Variants in CFAP299 observed in about 807,000 individuals in gnomAD.
CFAP299 encodes the protein cilia- and flagella-associated protein 299.
A neutral mutation model predicts 27.0 loss-of-function variants in CFAP299; 21 were observed. The ratio of observed to expected loss-of-function variants is 0.78; its 90% CI spans 0.55 to 1.12. The LOEUF (loss-of-function observed/expected upper bound fraction) is 1.12. Ranked by LOEUF, CFAP299 falls within the 50% of genes most tolerant of loss-of-function variation. CFAP299 has a pLI of 0.00. For missense variants in CFAP299, 310 were observed against 276.6 expected (o/e 1.12, Z -0.86); for synonymous variants, 104 against 98.1 (o/e 1.06, Z -0.36).
chr4:80,786,819 A>G (rs1361681580), intron 3 of CFAP299, among the ~76,000 whole-genome samples: 1 of 152,120 alleles, frequency 6.6e-6, no homozygotes, highest in Non-Finnish European at 1.5e-5. Flanking sequence ...CCAATGCTTG[A>G]AGGGTTGCTA....
chr4:80,578,943 C>A (rs1249344505), intron 2 of CFAP299, among the ~76,000 whole-genome samples: 1 of 152,136 alleles, frequency 6.6e-6, no homozygotes, highest in Admixed American at 6.6e-5. Flanking sequence ...AATTTGATCA[C>A]CAAGCCAATC....
intron 3 of CFAP299, among the ~76,000 whole-genome samples, chr4:80,716,106 C>T (rs1722464735): frequency 6.6e-6 from 1 of 151,712 alleles, no homozygotes; most frequent in African/African-American, 2.4e-5. Flanking sequence ...CCCACAAATA[C>T]AAATAAAGAA....
chr4:80,870,614 C>T, intron 4 of CFAP299: 2 of 986,022 alleles, frequency 2.0e-6, no homozygotes, highest in Non-Finnish European at 2.4e-6. Flanking sequence ...CAATGCTTGC[C>T]TTTTATTCTA....
intron 3 of CFAP299, among the ~76,000 whole-genome samples, chr4:80,834,827 T>C (rs1299991682): frequency 6.6e-6 from 1 of 152,168 alleles, no homozygotes; most frequent in Non-Finnish European, 1.5e-5. Flanking sequence ...AGGAGAGACT[T>C]GCACCGCTGG....
At position 80,828,149 on chromosome 4, in the gene CFAP299, TATC is replaced by T. The variant is rs1435709263; in HGVS notation, c.334-41841_334-41839del. Among the ~76,000 whole-genome samples, 6 of 152,158 alleles carry T rather than the reference TATC, an allele frequency of 3.9e-5. No individual in the cohort carries two copies. In the South Asian group the frequency reaches 1.0e-3, roughly 26 times the overall value. ...CAATGTACAGATTCAATGCAATCCT[TATC>T]ATAATTGCAATGACATTTTTTTTTG... On this transcript the variant is annotated intron_variant, in intron 3 of 5. Coordinates refer to ENST00000358105, the MANE Select transcript of CFAP299 (RefSeq NM_152770.3).
chr4:80,327,409 C>T, the CFAP299 span, among the ~76,000 whole-genome samples: 513 of 151,706 alleles, frequency 3.4e-3, 4 homozygotes, highest in African/African-American at 0.012. Context: ...GCTTCATAAG[C>T]CAAGGGAATG....
intron 4 of CFAP299, among the ~76,000 whole-genome samples, chr4:80,886,759 T>C (rs1033885041): frequency 6.6e-5 from 10 of 152,200 alleles, no homozygotes; most frequent in African/African-American, 1.2e-4. Context: ...CCTGGAGAAA[T>C]AGACATATAT....
chr4:80,472,682 T>C (rs1045635138), intron 2 of CFAP299, among the ~76,000 whole-genome samples: 1 of 152,176 alleles, frequency 6.6e-6, no homozygotes, highest in African/African-American at 2.4e-5. Context: ...AACCACTTAT[T>C]AAAAGCATGC....
At chr4:80,675,729 CTCAAG>C (rs151125991) in intron 3 of CFAP299, among the ~76,000 whole-genome samples, 3,180 of 152,268 alleles carry the variant, frequency 0.021, 79 homozygotes, top group South Asian at 0.061. Flanking sequence ...TGTTTACCCA[CTCAAG>C]TCTCAGCAAT....
intron 3 of CFAP299, among the ~76,000 whole-genome samples, chr4:80,775,547 G>A (rs1027344386): frequency 2.0e-5 from 3 of 151,670 alleles, no homozygotes; most frequent in African/African-American, 7.3e-5. Context: ...AGTAAAATGA[G>A]AACACACTCT....
intron 2 of CFAP299, among the ~76,000 whole-genome samples, chr4:80,548,228 A>G (rs905672491): frequency 6.6e-6 from 1 of 152,178 alleles, no homozygotes; most frequent in Non-Finnish European, 1.5e-5. Context: ...CTTTACAGCA[A>G]CATGGATGTA....
At chr4:80,323,343 A>T in the CFAP299 span, among the ~76,000 whole-genome samples, 4 of 152,350 alleles carry the variant, frequency 2.6e-5, no homozygotes, top group South Asian at 8.3e-4. Context: ...TTTACTGTTT[A>T]ACTATGACTT....
chr4:80,831,960 A>G (rs1297962760), intron 3 of CFAP299, among the ~76,000 whole-genome samples: 1 of 152,190 alleles, frequency 6.6e-6, no homozygotes, highest in Non-Finnish European at 1.5e-5. Flanking sequence ...TGTCAGAACT[A>G]TACTATGCCA....
At chr4:80,578,659 G>A (rs534657422) in intron 2 of CFAP299, among the ~76,000 whole-genome samples, 1 of 152,238 alleles carries the variant, frequency 6.6e-6, no homozygotes, top group East Asian at 1.9e-4. Context: ...GATTGCTTTA[G>A]ACCACAAGTT....
chr4:80,587,165 ATTTC>A (rs1450109955), intron 3 of CFAP299, among the ~76,000 whole-genome samples: 2 of 152,236 alleles, frequency 1.3e-5, no homozygotes, highest in Non-Finnish European at 1.5e-5. Flanking sequence ...ACAGATGTTT[ATTTC>A]TTTTTTAATA....
At chr4:80,561,460 A>G (rs1427133976) in intron 2 of CFAP299, among the ~76,000 whole-genome samples, 1 of 152,154 alleles carries the variant, frequency 6.6e-6, no homozygotes, top group Non-Finnish European at 1.5e-5. Flanking sequence ...ACCTCATCAA[A>G]TGAACTAAAT....
At position 80,856,125 on chromosome 4, in the gene CFAP299, T is replaced by C. The variant is rs576192920; in HGVS notation, c.334-13868T>C. Among the ~76,000 whole-genome samples, 10 of 151,818 alleles carry C rather than the reference T, an allele frequency of 6.6e-5. No individual in the cohort carries two copies. The East Asian group carries it at 1.9e-3, about 29-fold the overall frequency. ...TAACTGGTATGAGATGATATCTCATTGTGGTTTTGATTTGCATTTCTCTGA... is the reference window on the plus strand; with the variant it reads ...TAACTGGTATGAGATGATATCTCATCGTGGTTTTGATTTGCATTTCTCTGA... On this transcript the variant is annotated intron_variant, in intron 3 of 5. Coordinates refer to ENST00000358105, the MANE Select transcript of CFAP299 (RefSeq NM_152770.3).
chr4:80,943,356 T>C (rs970230637), intron 4 of CFAP299, among the ~76,000 whole-genome samples: 3 of 152,240 alleles, frequency 2.0e-5, no homozygotes, highest in Middle Eastern at 6.8e-3. Context: ...ATTGCACTTT[T>C]AGGTAATAAT....
At chr4:80,598,222 A>G (rs1298851853) in intron 3 of CFAP299, among the ~76,000 whole-genome samples, 1 of 152,200 alleles carries the variant, frequency 6.6e-6, no homozygotes, top group African/African-American at 2.4e-5. Context: ...GGACACTCCA[A>G]CGTATCATCC....
Sources: allele counts gnomAD v4.1 joint callset (sites outside exome capture counted in the v4.1 genomes callset), GRCh38; gene constraint gnomAD v4.1.1; transcripts MANE v1.5; gene names NCBI Gene and HGNC (gene_info 2026-07-23, HGNC 2026-07-21).